The following TJAP1 variants were observed in gnomAD, a reference collection of about 807,000 sequenced individuals.
TJAP1 encodes the protein tight junction associated protein 1, also known as tight junction-associated protein 1.
Under a neutral mutation model 42.0 loss-of-function variants are expected in TJAP1, and 27 were observed. The observed-to-expected ratio is 0.64, with a 90% CI of 0.47 to 0.89. The LOEUF (loss-of-function observed/expected upper bound fraction) is 0.89, where lower values mean the gene tolerates loss of function less well. Ranked by LOEUF, TJAP1 falls within the 40% of genes least tolerant of loss-of-function variation. The pLI, the probability that TJAP1 is intolerant of heterozygous loss-of-function variation, is 0.00. For synonymous variants in TJAP1, 257 were observed against 288.4 expected (o/e 0.89, Z 1.10); for missense variants, 712 against 726.9 (o/e 0.98, Z 0.24).
intron 2 of TJAP1, among the ~76,000 whole-genome samples, chr6:43,482,670 T>C (rs992995122): frequency 2.6e-5 from 4 of 152,230 alleles, no homozygotes; most frequent in Non-Finnish European, 5.9e-5. Context: ...ACAGAGACTA[T>C]GTCTTATTCA....
chr6:43,503,725 C>G lies in TJAP1; in HGVS notation c.579+19C>G. 6.2e-7 allele frequency: 1 copy of G among 1,608,262 alleles called. No homozygotes were observed. ...TGCCGATGTGAGTAGAACTCACCCC[C>G]TCCCTGCCCACATAGACCATTCCGG... On this transcript the variant is annotated intron_variant, in intron 10 of 10. Transcript: ENST00000372449.
rs1788107165 is a variant in TJAP1 at position 43,492,830 on chromosome 6, G to T, written c.-121-5051G>T. On this transcript the variant is annotated intron_variant, in intron 2 of 10. Coordinates refer to ENST00000372449, the Ensembl canonical transcript of TJAP1. The surrounding 1 kb of genome is among the most constrained non-coding windows in gnomAD (Gnocchi z 4.2). ...AGACTGGATTTCAGAGGCTTGAGAAGCGGCCAGACTTGTGTGGCGGGAGTG... is the reference window on the plus strand; with the variant it reads ...AGACTGGATTTCAGAGGCTTGAGAATCGGCCAGACTTGTGTGGCGGGAGTG... Among the ~76,000 whole-genome samples, 1 of 152,152 alleles carries T rather than the reference G, an allele frequency of 6.6e-6. No individual in the cohort carries two copies. The highest frequency in any genetic ancestry group is 1.5e-5 in the Non-Finnish European group (1 of 68,028).
At chr6:43,503,824 G>C (rs1442728509) in intron 10 of TJAP1, 118 bp downstream of exon 10, 2 of 884,730 alleles carry the variant, frequency 2.3e-6, no homozygotes, top group Non-Finnish European at 3.7e-6. Flanking sequence ...CCCTCCTCTT[G>C]CCTCCATGTC....
At chr6:43,484,313 G>A (rs1266853935) in intron 2 of TJAP1, among the ~76,000 whole-genome samples, 1 of 151,938 alleles carries the variant, frequency 6.6e-6, no homozygotes, top group African/African-American at 2.4e-5. Flanking sequence ...ACAAAAATTA[G>A]CCGGGCATGG....
chr6:43,505,938 A>T lies in TJAP1; in HGVS notation c.*83A>T. 2 of 1,388,430 alleles carry T rather than the reference A, an allele frequency of 1.4e-6. No homozygotes were observed. Among genetic ancestry groups the T allele is most frequent in the Non-Finnish European group, 1.9e-6 (2 of 1,065,046 alleles). The allele number at this position is 1,388,430 out of a possible 1,614,324, so 86.0% of individuals were successfully genotyped here. Reference sequence around the variant, plus strand: ...TTGGCAGCTCAGGGTCCCCAGTCCAAGCCCTTGACCTCTCCTCTATCCAGA... The same window carrying T: ...TTGGCAGCTCAGGGTCCCCAGTCCATGCCCTTGACCTCTCCTCTATCCAGA... On this transcript the variant is annotated 3_prime_UTR_variant, in exon 11 of 11. Transcript: ENST00000372449. This position sits in a 1 kb window ranked among gnomAD's most constrained non-coding sequence, Gnocchi z 5.5.
chr6:43,497,613 A>G (rs1562265648), intron 2 of TJAP1: 1 of 152,260 alleles, frequency 6.6e-6, no homozygotes, highest in Non-Finnish European at 1.5e-5. Context: ...CCTATTCCAG[A>G]ATTGGGCAAT....
chr6:43,487,977 C>G (rs914502088), intron 2 of TJAP1, among the ~76,000 whole-genome samples: 3 of 151,118 alleles, frequency 2.0e-5, no homozygotes, highest in African/African-American at 7.3e-5. Flanking sequence ...TCAAGCGATT[C>G]TCCTGCCTCA....
chr6:43,482,917 T>C (rs1220424273), intron 2 of TJAP1, among the ~76,000 whole-genome samples: 2 of 151,628 alleles, frequency 1.3e-5, no homozygotes, highest in East Asian at 1.9e-4. Flanking sequence ...AGATCAGGAG[T>C]TCGAGACCAG....
In TJAP1 at chr6:43,505,085, G is replaced by C; in HGVS notation, c.904G>C (p.Glu302Gln). The C allele has an allele frequency of 6.2e-7, 1 of 1,614,092 alleles. No individual in the cohort carries two copies. The highest frequency in any genetic ancestry group is 8.5e-7 in the Non-Finnish European group (1 of 1,180,016). ...TCTGGGTACTGCCAGGGGCTCCCCG[G>C]AGGAAGAGCTGCCCCTGCCAGCCTT... The change falls in exon 11 of 11, where the codon GAG (glutamate) becomes CAG (glutamine). Residue 302 changes from glutamate (E) to glutamine (Q), a missense_variant. Coordinates refer to ENST00000372449, the Ensembl canonical transcript of TJAP1. The surrounding 1 kb of genome is among the most constrained non-coding windows in gnomAD (Gnocchi z 5.5).
At chr6:43,503,809 C>T (rs1791552818) in intron 10 of TJAP1, 103 bp downstream of exon 10, 1 of 1,041,286 alleles carries the variant, frequency 9.6e-7, no homozygotes, top group Non-Finnish European at 1.5e-6. Flanking sequence ...CCTCTTCCCA[C>T]TTTGCCCTCC....
chr6:43,481,734 C>T (rs1212879220), intron 2 of TJAP1, among the ~76,000 whole-genome samples: 1 of 152,124 alleles, frequency 6.6e-6, no homozygotes, highest in Non-Finnish European at 1.5e-5. Flanking sequence ...GGCAGGAGGC[C>T]CAGTGTAGCC....
At chr6:43,489,062 C>A (rs994038616) in intron 2 of TJAP1, among the ~76,000 whole-genome samples, 2 of 152,150 alleles carry the variant, frequency 1.3e-5, no homozygotes, top group Non-Finnish European at 2.9e-5. Context: ...AACATCTTAC[C>A]CTCTGCTAAG....
chr6:43,497,764 C>G (rs1245997067), intron 2 of TJAP1, 117 bp from the exon 3 acceptor site: 2 of 152,316 alleles, frequency 1.3e-5, no homozygotes, highest in Non-Finnish European at 2.9e-5. Flanking sequence ...TCATGGCCTT[C>G]CTGCCGTGGT....
rs1470286478 is a variant in TJAP1 at position 43,495,529 on chromosome 6, GC to G, written c.-121-2347del. ...AGCCTGGTGTTGAGGAACACCATGG[GC>G]CCCCTGGTGGATTGTCTTCCCAGTG... is the stretch of plus-strand genomic sequence containing the variant. On this transcript the variant is annotated intron_variant, in intron 2 of 10. Coordinates refer to ENST00000372449, the Ensembl canonical transcript of TJAP1. The surrounding 1 kb of genome is among the most constrained non-coding windows in gnomAD (Gnocchi z 4.6). Among the ~76,000 whole-genome samples the G allele has an allele frequency of 6.6e-6, 1 of 152,124 alleles. No individual in the cohort carries two copies. The highest frequency in any genetic ancestry group is 1.9e-4 in the East Asian group (1 of 5,186).
chr6:43,488,341 T>C (rs149894761), intron 2 of TJAP1, among the ~76,000 whole-genome samples: 549 of 152,340 alleles, frequency 3.6e-3, no homozygotes, highest in Non-Finnish European at 5.5e-3. Flanking sequence ...TGAGTTCCTC[T>C]GGGGCTGGCT....
intron 10 of TJAP1, 86 bp downstream of exon 10, chr6:43,503,792 C>G: frequency 8.4e-7 from 1 of 1,192,934 alleles, no homozygotes; most frequent in Non-Finnish European, 1.2e-6. Flanking sequence ...GCACCTCTCT[C>G]TGTCCTCCTC....
intron 2 of TJAP1, among the ~76,000 whole-genome samples, chr6:43,496,682 A>G (rs1165577680): frequency 6.6e-6 from 1 of 151,374 alleles, no homozygotes; most frequent in African/African-American, 2.4e-5. Context: ...GACAGGAGTC[A>G]TGGCCAGGGC....
At chr6:43,479,426 A>G (rs1364067414) in intron 2 of TJAP1, among the ~76,000 whole-genome samples, 3 of 152,202 alleles carry the variant, frequency 2.0e-5, no homozygotes, top group East Asian at 1.9e-4. Flanking sequence ...TCTGAGGACA[A>G]TTCGTGCCCC....
intron 2 of TJAP1, among the ~76,000 whole-genome samples, chr6:43,488,133 A>G (rs1319525877): frequency 6.6e-6 from 1 of 152,124 alleles, no homozygotes; most frequent in Admixed American, 6.6e-5. Context: ...CAGCTTCCCA[A>G]AGTGCTGGGA....
Sources: gnomAD v4.1 joint callset for allele counts (sites outside exome capture counted in the v4.1 genomes callset) on GRCh38, gnomAD v4.1.1 for gene constraint, Gnocchi (gnomAD v3.1) non-coding constraint, MANE v1.5 for transcripts, NCBI Gene and HGNC (gene_info 2026-07-23, HGNC 2026-07-21) for gene names.